The following SGK3 variants were observed in gnomAD, a reference collection of about 807,000 sequenced individuals.
The protein encoded by SGK3 is serum/glucocorticoid regulated kinase family member 3, also known as serine/threonine-protein kinase Sgk3.
SGK3 carries 47 observed loss-of-function variants against 68.5 expected under a neutral mutation model. The observed-to-expected ratio is 0.69, with a 90% CI of 0.54 to 0.87. SGK3 has a LOEUF of 0.87. SGK3 is among the 40% of genes least tolerant of loss of function. SGK3 has a pLI of 0.00. For synonymous variants in SGK3, 181 were observed against 189.1 expected, an observed-to-expected ratio of 0.96 and a Z score of 0.35; for missense variants, 479 against 575.5, an observed-to-expected ratio of 0.83 and a Z score of 1.72.
At position 66,760,465 on chromosome 8, in the gene SGK3, G is replaced by C. The variant is rs1806130723; in HGVS notation, c.-121-33151G>C. On this transcript the variant is annotated intron_variant, in intron 1 of 16. Coordinates refer to ENST00000521198, the MANE Select transcript of SGK3 (RefSeq NM_001033578.3). ...TTCTCCTACCTCAGCCTCCTGAGTA[G>C]CTGGGACTACAGGTGCCCGCCACCA... 2.0e-5 allele frequency among the ~76,000 whole-genome samples: 3 copies of C among 150,784 alleles called. No individual in the cohort carries two copies. The South Asian group carries it at 6.3e-4, about 31-fold the overall frequency.
intron 4 of SGK3, among the ~76,000 whole-genome samples, chr8:66,808,438 C>T (rs929360273): frequency 6.6e-6 from 1 of 151,926 alleles, no homozygotes; most frequent in African/African-American, 2.4e-5. Context: ...ATGTTACTGT[C>T]ATGGGAACCA....
intron 1 of SGK3, among the ~76,000 whole-genome samples, chr8:66,715,505 G>A (rs1804607845): frequency 6.6e-6 from 1 of 152,126 alleles, no homozygotes; most frequent in Non-Finnish European, 1.5e-5. Context: ...AGCCTGCCTT[G>A]GCCTCCCAAA....
At chr8:66,776,943 G>A (rs1490215165) in intron 1 of SGK3, among the ~76,000 whole-genome samples, 1 of 152,216 alleles carries the variant, frequency 6.6e-6, no homozygotes, top group Admixed American at 6.5e-5. Context: ...TAAACAGCCA[G>A]TATAAACAAA....
At chr8:66,832,630 C>G (rs1809347297) in intron 8 of SGK3, among the ~76,000 whole-genome samples, 1 of 151,972 alleles carries the variant, frequency 6.6e-6, no homozygotes, top group South Asian at 2.1e-4. Context: ...AAAACAAAAG[C>G]ATTGTGGCAC....
At chr8:66,797,235 C>CA (rs1174927074) in intron 2 of SGK3, among the ~76,000 whole-genome samples, 1 of 152,160 alleles carries the variant, frequency 6.6e-6, no homozygotes, top group Non-Finnish European at 1.5e-5. Context: ...TCAAGAAACT[C>CA]ACAATCATAT....
intron 1 of SGK3, among the ~76,000 whole-genome samples, chr8:66,762,637 A>C (rs1231190928): frequency 6.6e-6 from 1 of 152,208 alleles, no homozygotes; most frequent in African/African-American, 2.4e-5. Context: ...GAATTCTCAA[A>C]TTGCCTCATA....
chr8:66,728,419 C>T (rs1269323103), intron 1 of SGK3, among the ~76,000 whole-genome samples: 5 of 151,890 alleles, frequency 3.3e-5, no homozygotes, highest in East Asian at 1.9e-4. Context: ...CTCCACCTCC[C>T]GGGTTCAAGC....
chr8:66,827,386 CAA>C (rs757439616), intron 6 of SGK3, among the ~76,000 whole-genome samples: 14 of 52,330 alleles, frequency 2.7e-4, no homozygotes, highest in African/African-American at 4.3e-4. Flanking sequence ...AACTCTATCT[CAA>C]AAAAAAAAAA....
At chr8:66,730,829 C>A (rs1014349118) in intron 1 of SGK3, among the ~76,000 whole-genome samples, 2 of 150,766 alleles carry the variant, frequency 1.3e-5, no homozygotes, top group African/African-American at 4.9e-5. Flanking sequence ...AGGTGCCCAC[C>A]ACCAAGCCTG....
At chr8:66,742,789 T>C (rs912510999) in intron 1 of SGK3, among the ~76,000 whole-genome samples, 2 of 152,242 alleles carry the variant, frequency 1.3e-5, no homozygotes, top group African/African-American at 4.8e-5. Flanking sequence ...GTATCTCCAT[T>C]GCTGTTGGAG....
intron 1 of SGK3, among the ~76,000 whole-genome samples, chr8:66,751,296 A>C (rs1487293881): frequency 6.6e-6 from 1 of 152,202 alleles, no homozygotes; most frequent in Non-Finnish European, 1.5e-5. Flanking sequence ...TTTGGCTTAA[A>C]AATGCTCATT....
At chr8:66,786,939 T>C (rs1043486107) in intron 1 of SGK3, among the ~76,000 whole-genome samples, 12 of 121,922 alleles carry the variant, frequency 9.8e-5, no homozygotes, top group Admixed American at 8.4e-5. Flanking sequence ...TTTTTTTTTT[T>C]TTTTTTTTTT....
intron 1 of SGK3, among the ~76,000 whole-genome samples, chr8:66,732,690 C>G (rs776614586): frequency 3.3e-5 from 5 of 151,884 alleles, no homozygotes; most frequent in Non-Finnish European, 7.4e-5. Context: ...ACTAAAAATA[C>G]AAAAATTAGC....
intron 1 of SGK3, among the ~76,000 whole-genome samples, chr8:66,781,069 C>T (rs1459512154): frequency 6.6e-6 from 1 of 152,178 alleles, no homozygotes; most frequent in Admixed American, 6.5e-5. Flanking sequence ...TGCCAGTCAC[C>T]ACAGCCCTCT....
At chr8:66,800,813 C>T (rs1023261377) in intron 3 of SGK3, among the ~76,000 whole-genome samples, 1 of 151,614 alleles carries the variant, frequency 6.6e-6, no homozygotes, top group African/African-American at 2.4e-5. Flanking sequence ...TCCATCTCTA[C>T]AAAAAAAATA....
At chr8:66,788,867 C>T (rs1412443638) in intron 1 of SGK3, among the ~76,000 whole-genome samples, 1 of 152,060 alleles carries the variant, frequency 6.6e-6, no homozygotes, top group Non-Finnish European at 1.5e-5. Context: ...TTTTGTTCAC[C>T]AGGTCCAGTT....
At chr8:66,734,261 A>G (rs1805253524) in intron 1 of SGK3, among the ~76,000 whole-genome samples, 1 of 130,060 alleles carries the variant, frequency 7.7e-6, no homozygotes, top group Non-Finnish European at 1.6e-5. Context: ...CCATTTTGAA[A>G]TGATGTATGG....
chr8:66,843,334 A>G (rs186239212), intron 13 of SGK3, 118 bp from the exon 14 acceptor site: 3 of 869,166 alleles, frequency 3.5e-6, no homozygotes, highest in African/African-American at 3.4e-5. Context: ...CTGGAAATCT[A>G]GATAATTTGG....
intron 1 of SGK3, among the ~76,000 whole-genome samples, chr8:66,767,166 A>C (rs1008301484): frequency 1.8e-4 from 28 of 151,932 alleles, no homozygotes; most frequent in African/African-American, 6.5e-4. Flanking sequence ...TCATATTGCT[A>C]TTTGTTTTCT....
Sources: allele counts gnomAD v4.1 joint callset (sites outside exome capture counted in the v4.1 genomes callset), GRCh38; gene constraint gnomAD v4.1.1; transcripts MANE v1.5; gene names NCBI Gene and HGNC (gene_info 2026-07-23, HGNC 2026-07-21).